Variants in POLR1G observed in about 807,000 individuals in gnomAD.
POLR1G encodes DNA-directed RNA polymerase I subunit RPA34.
POLR1G carries 9 observed loss-of-function variants against 6.3 expected under a neutral mutation model. That is an observed-to-expected ratio of 1.44 (90% CI 0.87 to 2.51). POLR1G has a LOEUF of 2.51. Ranked by LOEUF, POLR1G falls within the 30% of genes most tolerant of loss-of-function variation. POLR1G has a pLI of 0.00. For synonymous variants in POLR1G, 248 were observed against 256.5 expected, an observed-to-expected ratio of 0.97 and a Z score of 0.32; for missense variants, 617 against 632.5, an observed-to-expected ratio of 0.98 and a Z score of 0.26.
At position 45,407,050 on chromosome 19, in the gene POLR1G, C is replaced by G. The variant is rs189677989; in HGVS notation, c.23-44C>G. ...ATAGGCGCGCCCTGCAAGATTGGAC[C>G]GGCAAGGAGGTGTCAGTCGACCCCA... On this transcript the variant is annotated intron_variant, in intron 1 of 2. Transcript: ENST00000309424. The G allele has an allele frequency of 1.9e-6, 3 of 1,561,116 alleles. No individual in the cohort carries two copies. In the Admixed American group the frequency reaches 6.4e-5, roughly 33 times the overall value.
chr19:45,407,628 G>C (rs985826900), intron 2 of POLR1G: 2 of 273,896 alleles, frequency 7.3e-6, no homozygotes, highest in Admixed American at 5.3e-5. Context: ...AACATGTTCT[G>C]TATGGCCATA....
In POLR1G at chr19:45,409,012, G is replaced by A; in HGVS notation, c.1044G>A (p.Glu348=). Residue 348 remains glutamate, a synonymous_variant, in exon 3 of 3, where the codon GAG becomes GAA. Coordinates refer to ENST00000309424, the MANE Select transcript of POLR1G (RefSeq NM_012099.3). ...TGGAGCCAGGGACGGAGGCGATGGA[G>A]CCAGTGGAGCCGGAGATGAAGCCTC... ...AMMEPGTEAM[E]PVEPEMKPLE... 1 of 1,614,106 alleles carries A rather than the reference G, an allele frequency of 6.2e-7. No individual in the cohort carries two copies. Among genetic ancestry groups the A allele is most frequent in the Non-Finnish European group, 8.5e-7 (1 of 1,180,024 alleles).
Position 45,409,248 on chromosome 19 carries a change from AGAAAG to A in POLR1G, c.1281_1285del (p.Lys428GlufsTer7). The A allele has an allele frequency of 6.2e-7, 1 of 1,613,750 alleles. No homozygotes were observed. Among genetic ancestry groups the A allele is most frequent in the South Asian group, 1.1e-5 (1 of 91,032 alleles). On this transcript the variant is annotated frameshift_variant, in exon 3 of 3. Coordinates refer to ENST00000309424, the MANE Select transcript of POLR1G (RefSeq NM_012099.3). LOFTEE classifies it low-confidence loss of function (END_TRUNC). ...ACATCCACCAAGAAGAAGAAGAAGAAGAAAGAGAGAGGTCACACAGTGACTGAGCC... is the reference window on the plus strand; with the variant it reads ...ACATCCACCAAGAAGAAGAAGAAGAAAGAGAGGTCACACAGTGACTGAGCC...
chr19:45,406,744 G>GT lies in POLR1G; in HGVS notation c.22+26_22+27insT. 6.6e-7 allele frequency: 1 copy of GT among 1,519,466 alleles called. No homozygotes were observed. The highest frequency in any genetic ancestry group is 1.3e-5 in the South Asian group (1 of 79,744). The allele number at this position is 1,519,466 out of a possible 1,614,324, so 94.1% of individuals were successfully genotyped here. On this transcript the variant is annotated intron_variant, in intron 1 of 2. Coordinates refer to ENST00000309424, the MANE Select transcript of POLR1G (RefSeq NM_012099.3). This position sits in a 1 kb window ranked among gnomAD's most constrained non-coding sequence, Gnocchi z 4.2. Reference sequence around the variant, plus strand: ...GTGAGGGTGCGGGTTGACGGGGTGCGGAGGGTGCGTTGGTGGAAGGAGAAA... The same window carrying GT: ...GTGAGGGTGCGGGTTGACGGGGTGCGTGAGGGTGCGTTGGTGGAAGGAGAAA...
In POLR1G at chr19:45,407,195, C is replaced by T. The variant is rs1266533569; in HGVS notation, c.124C>T (p.Leu42=). Residue 42 remains leucine (L), a synonymous_variant, in exon 2 of 3, where the codon CTG becomes TTG. Coordinates refer to ENST00000309424, the MANE Select transcript of POLR1G (RefSeq NM_012099.3). ...LEALTGPDTE[L]WLIQAPADFA... ...GGCGCTGACGGGTCCAGATACGGAGCTGTGGCTTATTCAGGCCCCTGCAGA... is the reference window on the plus strand; with the variant it reads ...GGCGCTGACGGGTCCAGATACGGAGTTGTGGCTTATTCAGGCCCCTGCAGA... 1.2e-6 allele frequency: 2 copies of T among 1,613,390 alleles called. No homozygotes were observed. The highest frequency in any genetic ancestry group is 1.7e-6 in the Non-Finnish European group (2 of 1,179,828).
Position 45,406,985 on chromosome 19 carries a change from A to G in POLR1G, c.23-109A>G. 1 of 1,390,944 alleles carries G rather than the reference A, an allele frequency of 7.2e-7. No homozygotes were observed. 86.2% of individuals were successfully genotyped at this position (1,390,944 alleles called of 1,614,324 possible). On this transcript the variant is annotated intron_variant, in intron 1 of 2. Coordinates refer to ENST00000309424, the MANE Select transcript of POLR1G (RefSeq NM_012099.3). This position sits in a 1 kb window ranked among gnomAD's most constrained non-coding sequence, Gnocchi z 4.2. ...TGGGCAGAAAGGAGAAACCAGGTTG[A>G]GGGGACTGGAGTGCTCACGAGGTTA...
In POLR1G at chr19:45,408,590, A is replaced by G. The variant is rs1953164037; in HGVS notation, c.622A>G (p.Met208Val). The change falls in exon 3 of 3, where the codon ATG becomes GTG. Residue 208 changes from methionine to valine, a missense_variant. Physicochemically the swap from Met to Val is conservative, Grantham distance 21. Transcript: ENST00000309424. ...EVDMALGSPEMDVRKKKKKKN... is the reference protein window; with the variant it reads ...EVDMALGSPEVDVRKKKKKKN... ...GGACATGGCTTTGGGGTCGCCAGAA[A>G]TGGATGTGCGGAAGAAGAAGAAGAA... The G allele has an allele frequency of 1.2e-6, 2 of 1,613,850 alleles. No homozygotes were observed. Among genetic ancestry groups the G allele is most frequent in the East Asian group, 2.2e-5 (1 of 44,878 alleles).
rs1973496666 is a variant in POLR1G, at chr19:45,408,668, C to T, written c.700C>T (p.Pro234Ser). 3 of 1,613,730 alleles carry T rather than the reference C, an allele frequency of 1.9e-6. No individual in the cohort carries two copies. Among genetic ancestry groups the T allele is most frequent in the East Asian group, 2.2e-5 (1 of 44,882 alleles). The stretch of plus-strand genomic sequence containing the variant: ...GGCAGCAGGGCCTGTGGGGACAGAG[C>T]CCACAGTGGAGACACTGGAGCCTCT... Reference protein sequence around the residue: ...PEAAGPVGTEPTVETLEPLGV... With the variant: ...PEAAGPVGTESTVETLEPLGV... Residue 234 changes from proline to serine, a missense_variant, in exon 3 of 3, where the codon CCC (proline) becomes TCC (serine). Transcript: ENST00000309424.
rs765443575 is a variant in POLR1G at position 45,408,835 on chromosome 19, GAGAA to G, written c.871_874del (p.Lys291GlyfsTer14). The stretch of plus-strand genomic sequence containing the variant: ...ACACAGTCCTGTCCCCGACCAAAAA[GAGAA>G]AGAGGCAAAAGGGGACGGAAGGGAT... On this transcript the variant is annotated frameshift_variant, in exon 3 of 3. Coordinates refer to ENST00000309424, the MANE Select transcript of POLR1G (RefSeq NM_012099.3). LOFTEE classifies it low-confidence loss of function (END_TRUNC). 8.7e-6 allele frequency: 14 copies of G among 1,614,030 alleles called. No individual in the cohort carries two copies. The highest frequency in any genetic ancestry group is 1.3e-5 in the African/African-American group (1 of 74,920).
At chr19:45,408,073 C>T in intron 2 of POLR1G, 60 bp from the exon 3 acceptor site, 1 of 1,487,222 alleles carries the variant, frequency 6.7e-7, no homozygotes, top group Non-Finnish European at 8.9e-7. Context: ...AAAAAAAAAT[C>T]AAAAAACCTT....
In POLR1G at chr19:45,409,341, G is replaced by A. The variant is rs201278532; in HGVS notation, c.1373G>A (p.Gly458Glu). 1 of 1,614,064 alleles carries A rather than the reference G, an allele frequency of 6.2e-7. No individual in the cohort carries two copies. Among genetic ancestry groups the A allele is most frequent in the Admixed American group, 1.7e-5 (1 of 60,010 alleles). ...CAGCCTGAAGCCAGGGCAACTCCGG[G>A]ATCCACCAAGAAGAGGAAGAAGCAG... is the stretch of plus-strand genomic sequence containing the variant. ...EGQPEARATP[G>E]STKKRKKQSQ... Residue 458 changes from glycine to glutamate, a missense_variant, in exon 3 of 3, where the codon GGA becomes GAA. Transcript: ENST00000309424.
At position 45,409,019 on chromosome 19, in the gene POLR1G, G is replaced by A; in HGVS notation, c.1051G>A (p.Glu351Lys). 6.2e-7 allele frequency: 1 copy of A among 1,614,100 alleles called. No individual in the cohort carries two copies. Among genetic ancestry groups the A allele is most frequent in the Non-Finnish European group, 8.5e-7 (1 of 1,180,016 alleles). The stretch of plus-strand genomic sequence containing the variant: ...AGGGACGGAGGCGATGGAGCCAGTG[G>A]AGCCGGAGATGAAGCCTCTGGAGTC... ...EPGTEAMEPVEPEMKPLESPG... is the reference protein window; with the variant it reads ...EPGTEAMEPVKPEMKPLESPG... Residue 351 changes from glutamate (E) to lysine (K), a missense_variant, in exon 3 of 3, where the codon GAG (glutamate) becomes AAG (lysine). Physicochemically the swap from Glu to Lys is moderately conservative, Grantham distance 56. Coordinates refer to ENST00000309424, the MANE Select transcript of POLR1G (RefSeq NM_012099.3).
In POLR1G at chr19:45,408,993, C is replaced by T. The variant is rs780667352; in HGVS notation, c.1025C>T (p.Pro342Leu). The change falls in exon 3 of 3, where the codon CCA (proline) becomes CTA (leucine). Residue 342 changes from proline to leucine, a missense_variant. Coordinates refer to ENST00000309424, the MANE Select transcript of POLR1G (RefSeq NM_012099.3). ...KEKGQMAMME[P>L]GTEAMEPVEP... ...AAGGGACAGATGGCAATGATGGAGC[C>T]AGGGACGGAGGCGATGGAGCCAGTG... 6.2e-7 allele frequency: 1 copy of T among 1,614,008 alleles called. No individual in the cohort carries two copies. Among genetic ancestry groups the T allele is most frequent in the Non-Finnish European group, 8.5e-7 (1 of 1,180,004 alleles).
At position 45,410,169 on chromosome 19, in the gene POLR1G, G is replaced by A. The variant is rs1973626638; in HGVS notation, c.*668G>A. On this transcript the variant is annotated 3_prime_UTR_variant, in exon 3 of 3. Transcript: ENST00000309424. ...CCCAGTGCTGGGATTATAGGTGTGAGCCACTGCGCCTGGCTAAGTTATTAT... is the reference window on the plus strand; with the variant it reads ...CCCAGTGCTGGGATTATAGGTGTGAACCACTGCGCCTGGCTAAGTTATTAT... The A allele has an allele frequency of 6.5e-6, 1 of 153,360 alleles. No homozygotes were observed. Among genetic ancestry groups the A allele is most frequent in the Admixed American group, 6.6e-5 (1 of 15,200 alleles). The allele number at this position is 153,360 out of a possible 1,614,324, so 9.5% of individuals were successfully genotyped here.
In POLR1G at chr19:45,409,004, G is replaced by A; in HGVS notation, c.1036G>A (p.Ala346Thr). 1 of 1,614,076 alleles carries A rather than the reference G, an allele frequency of 6.2e-7. No individual in the cohort carries two copies. Among genetic ancestry groups the A allele is most frequent in the Non-Finnish European group, 8.5e-7 (1 of 1,180,014 alleles). The change falls in exon 3 of 3, where the codon GCG becomes ACG. Residue 346 changes from alanine to threonine, a missense_variant. Ala to Thr is a moderately conservative substitution (Grantham distance 58, BLOSUM62 0). Coordinates refer to ENST00000309424, the MANE Select transcript of POLR1G (RefSeq NM_012099.3). ...QMAMMEPGTEAMEPVEPEMKP... is the reference protein window; with the variant it reads ...QMAMMEPGTETMEPVEPEMKP... ...GGCAATGATGGAGCCAGGGACGGAG[G>A]CGATGGAGCCAGTGGAGCCGGAGAT...
intron 2 of POLR1G, 76 bp from the exon 3 acceptor site, chr19:45,408,057 A>G: frequency 6.8e-7 from 1 of 1,476,072 alleles, no homozygotes; most frequent in Non-Finnish European, 8.9e-7. Context: ...CTCTCAAAAA[A>G]AAACAAAAAA....
intron 2 of POLR1G, 148 bp downstream of exon 2, chr19:45,407,383 G>T: frequency 2.9e-6 from 2 of 696,140 alleles, no homozygotes; most frequent in Non-Finnish European, 4.7e-6. Flanking sequence ...ACAGAGTAGA[G>T]TGTCCTCAGA....
At chr19:45,407,060 G>A (rs1246409337) in intron 1 of POLR1G, 34 bp from the exon 2 acceptor site, 9 of 1,577,120 alleles carry the variant, frequency 5.7e-6, no homozygotes, top group Non-Finnish European at 7.7e-6. Flanking sequence ...CGGCAAGGAG[G>A]TGTCAGTCGA....
Position 45,409,800 on chromosome 19 carries a change from T to C in POLR1G, c.*299T>C, listed in dbSNP as rs1973577767. 2 of 722,498 alleles carry C rather than the reference T, an allele frequency of 2.8e-6. No homozygotes were observed. The highest frequency in any genetic ancestry group is 5.2e-5 in the East Asian group (2 of 38,334). The allele number at this position is 722,498 out of a possible 1,614,324, so 44.8% of individuals were successfully genotyped here. On this transcript the variant is annotated 3_prime_UTR_variant, in exon 3 of 3. Transcript: ENST00000309424. ...TTCCTGGGTAAATCTAGAGTGGGGT[T>C]TTGGTTCTTTATTTTCCCCTATACC...
Sources: gnomAD v4.1 joint callset for allele counts on GRCh38, gnomAD v4.1.1 for gene constraint, Gnocchi (gnomAD v3.1) non-coding constraint, MANE v1.5 for transcripts, NCBI Gene and HGNC (gene_info 2026-07-23, HGNC 2026-07-21) for gene names.